The following TCERG1L variants were observed in gnomAD, a reference collection of about 807,000 sequenced individuals.
TCERG1L encodes transcription elongation regulator 1-like protein.
TCERG1L carries 37 observed loss-of-function variants against 56.3 expected under a neutral mutation model. That is an observed-to-expected ratio of 0.66 (90% CI 0.51 to 0.87). The LOEUF is 0.87. Among genes scored for constraint, TCERG1L ranks in the 40% least tolerant of loss-of-function variants. The pLI is 0.00. For synonymous variants in TCERG1L, 324 were observed against 326.3 expected (o/e 0.99, Z 0.08); for missense variants, 799 against 774.2 (o/e 1.03, Z -0.38).
intron 4 of TCERG1L, among the ~76,000 whole-genome samples, chr10:131,215,847 T>A (rs762820599): frequency 2.0e-5 from 3 of 152,124 alleles, no homozygotes; most frequent in Non-Finnish European, 4.4e-5. Context: ...CCATTTTCCA[T>A]GGAAAATTAC....
At chr10:131,144,481 G>A (rs1845773070) in intron 7 of TCERG1L, among the ~76,000 whole-genome samples, 2 of 152,038 alleles carry the variant, frequency 1.3e-5, no homozygotes, top group African/African-American at 4.8e-5. Context: ...AGCTCTCTGA[G>A]TGCATTTTCG....
Position 131,290,679 on chromosome 10 carries a change from ATTTTC to A in TCERG1L, c.670+17527_670+17531del, listed in dbSNP as rs1410549561. On this transcript the variant is annotated intron_variant, in intron 3 of 11. Coordinates refer to ENST00000368642, the MANE Select transcript of TCERG1L (RefSeq NM_174937.4). ...CTTAACATTAAAACAAAACAACAGC[ATTTTC>A]TTTTGTCACTGTAAGTGATGTTCTA... 4.0e-5 allele frequency among the ~76,000 whole-genome samples: 6 copies of A among 150,906 alleles called. No individual in the cohort carries two copies. The South Asian group carries it at 8.4e-4, about 21-fold the overall frequency.
At chr10:131,108,125 G>A (rs969499277) in intron 9 of TCERG1L, among the ~76,000 whole-genome samples, 2 of 152,170 alleles carry the variant, frequency 1.3e-5, no homozygotes, top group African/African-American at 2.4e-5. Flanking sequence ...CTAAGTGGCC[G>A]TGGACAAAAC....
rs75298103 is a variant in TCERG1L, at chr10:131,117,331, G to C, written c.1260-397C>G. Among the ~76,000 whole-genome samples, 6 of 152,364 alleles carry C rather than the reference G, an allele frequency of 3.9e-5. No individual in the cohort carries two copies. The East Asian group carries it at 1.2e-3, about 29-fold the overall frequency. On this transcript the variant is annotated intron_variant, in intron 8 of 11. Coordinates refer to ENST00000368642, the MANE Select transcript of TCERG1L (RefSeq NM_174937.4). ...GCTGCAGAGATGGGGTCATGGAGGG[G>C]TAAGGAGCAGGCTTTTCATCCGAAC...
At chr10:131,138,265 G>A (rs1845696897) in intron 7 of TCERG1L, among the ~76,000 whole-genome samples, 1 of 152,164 alleles carries the variant, frequency 6.6e-6, no homozygotes, top group African/African-American at 2.4e-5. Context: ...GTGTGACAGA[G>A]TGAAACTCTG....
chr10:131,288,032 A>C (rs1465597898), intron 3 of TCERG1L, among the ~76,000 whole-genome samples: 5 of 152,156 alleles, frequency 3.3e-5, no homozygotes, highest in African/African-American at 1.2e-4. Context: ...CAGATGGTGT[A>C]ATTTACAGCA....
intron 4 of TCERG1L, among the ~76,000 whole-genome samples, chr10:131,225,743 C>A (rs542125301): frequency 6.6e-6 from 1 of 152,114 alleles, no homozygotes; most frequent in African/African-American, 2.4e-5. Context: ...ATGTGACCCC[C>A]CTCCCAACTC....
chr10:131,302,722 T>G (rs1379117581), intron 3 of TCERG1L, among the ~76,000 whole-genome samples: 1 of 151,670 alleles, frequency 6.6e-6, no homozygotes, highest in Admixed American at 6.6e-5. Flanking sequence ...TGATTTGCTG[T>G]ACCCATCAAC....
chr10:131,222,936 C>A (rs1845750241), intron 4 of TCERG1L, among the ~76,000 whole-genome samples: 1 of 152,146 alleles, frequency 6.6e-6, no homozygotes, highest in African/African-American at 2.4e-5. Context: ...GCCGGTTTAA[C>A]CCCGCCCCGC....
At chr10:131,167,147 G>A (rs755384773) in intron 4 of TCERG1L, among the ~76,000 whole-genome samples, 31 of 152,170 alleles carry the variant, frequency 2.0e-4, no homozygotes, top group Admixed American at 7.8e-4. Context: ...TCCCCAGCCC[G>A]ACCTCCCGGC....
intron 7 of TCERG1L, among the ~76,000 whole-genome samples, chr10:131,138,907 A>G (rs1845702812): frequency 6.6e-6 from 1 of 152,232 alleles, no homozygotes; most frequent in Non-Finnish European, 1.5e-5. Context: ...AAAAATCGAA[A>G]GACCAGTAAA....
intron 3 of TCERG1L, among the ~76,000 whole-genome samples, chr10:131,279,259 C>G (rs1177458364): frequency 6.6e-6 from 1 of 151,950 alleles, no homozygotes; most frequent in Non-Finnish European, 1.5e-5. Context: ...TACGAAGGGA[C>G]AGAGGAAAGG....
intron 6 of TCERG1L, among the ~76,000 whole-genome samples, chr10:131,150,396 A>T (rs1845851191): frequency 6.6e-6 from 1 of 152,214 alleles, no homozygotes; most frequent in South Asian, 2.1e-4. Context: ...AGGCATTCAT[A>T]CTGCATTCCA....
intron 4 of TCERG1L, among the ~76,000 whole-genome samples, chr10:131,231,785 A>G (rs980169726): frequency 3.3e-5 from 5 of 152,142 alleles, no homozygotes; most frequent in Non-Finnish European, 7.4e-5. Flanking sequence ...AGCAAAAAAA[A>G]GACCGGGACA....
intron 10 of TCERG1L, among the ~76,000 whole-genome samples, chr10:131,099,863 C>A (rs752426437): frequency 6.1e-5 from 9 of 148,650 alleles, no homozygotes; most frequent in Non-Finnish European, 1.2e-4. Context: ...CTTCTTTTTT[C>A]TTTTCTTTCT....
Position 131,309,247 on chromosome 10 carries a change from A to C in TCERG1L, c.395T>G (p.Val132Gly). 6.2e-7 allele frequency: 1 copy of C among 1,605,924 alleles called. No individual in the cohort carries two copies. Among genetic ancestry groups the C allele is most frequent in the Non-Finnish European group, 8.5e-7 (1 of 1,177,386 alleles). The change falls in exon 2 of 12, where the codon GTG becomes GGG. Residue 132 changes from valine to glycine, a missense_variant. Coordinates refer to ENST00000368642, the MANE Select transcript of TCERG1L (RefSeq NM_174937.4). ...ATGTGGGAAGACGGGCACCAGCTCC[A>C]CTGTGGAAGAGGGGGGCAGTCCTAG... is the stretch of plus-strand genomic sequence containing the variant. The part of the protein sequence containing the change: ...PSLGLPPSST[V>G]ELVPVFPHLC...
chr10:131,285,505 AAAG>A (rs760844045), intron 3 of TCERG1L, among the ~76,000 whole-genome samples: 11,020 of 43,628 alleles, frequency 0.25, 964 homozygotes, highest in East Asian at 0.4. Flanking sequence ...AGAAAGAAAG[AAAG>A]AAAGAAAGAA....
At chr10:131,257,822 C>G (rs1846189331) in intron 4 of TCERG1L, among the ~76,000 whole-genome samples, 1 of 152,182 alleles carries the variant, frequency 6.6e-6, no homozygotes, top group South Asian at 2.1e-4. Flanking sequence ...TAAGCTAAAC[C>G]ACGTGGAGCT....
intron 3 of TCERG1L, among the ~76,000 whole-genome samples, chr10:131,277,420 C>T (rs936788944): frequency 6.6e-6 from 1 of 152,324 alleles, no homozygotes; most frequent in African/African-American, 2.4e-5. Flanking sequence ...GGAAATCTCC[C>T]GCAGGCCTGC....
Sources: allele counts gnomAD v4.1 joint callset (sites outside exome capture counted in the v4.1 genomes callset), GRCh38; gene constraint gnomAD v4.1.1; transcripts MANE v1.5; gene names NCBI Gene and HGNC (gene_info 2026-07-23, HGNC 2026-07-21).